The following LRMDA variants were observed in gnomAD, a reference collection of about 807,000 sequenced individuals.
LRMDA encodes leucine rich melanocyte differentiation associated, also known as leucine-rich melanocyte differentiation-associated protein.
A neutral mutation model predicts 29.8 loss-of-function variants in LRMDA; 18 were observed. That is an observed-to-expected ratio of 0.60 (90% CI 0.42 to 0.90). The LOEUF is 0.90. Among genes scored for constraint, LRMDA ranks in the 40% least tolerant of loss-of-function variants. LRMDA has a pLI of 0.00. For missense variants in LRMDA, 273 were observed against 273.9 expected, an observed-to-expected ratio of 1.00 and a Z score of 0.02; for synonymous variants, 125 against 109.4, an observed-to-expected ratio of 1.14 and a Z score of -0.89.
At chr10:75,515,517 C>A (rs1452989051) in intron 2 of LRMDA, among the ~76,000 whole-genome samples, 1 of 152,052 alleles carries the variant, frequency 6.6e-6, no homozygotes, top group East Asian at 1.9e-4. Flanking sequence ...GGACTACAGG[C>A]ACATACCACT....
chr10:75,811,091 C>T (rs1843951840), intron 2 of LRMDA, among the ~76,000 whole-genome samples: 1 of 152,104 alleles, frequency 6.6e-6, no homozygotes, highest in Non-Finnish European at 1.5e-5. Flanking sequence ...TGAGTAGATC[C>T]TTAGGAATTC....
intron 2 of LRMDA, among the ~76,000 whole-genome samples, chr10:76,025,722 A>T (rs765598052): frequency 2.6e-5 from 4 of 152,200 alleles, no homozygotes; most frequent in Non-Finnish European, 5.9e-5. Context: ...AATGTGGAAT[A>T]AGGTATCAGC....
intron 2 of LRMDA, among the ~76,000 whole-genome samples, chr10:75,440,177 G>A (rs1050478170): frequency 1.3e-5 from 2 of 149,330 alleles, no homozygotes; most frequent in African/African-American, 5.0e-5. Flanking sequence ...GGGGCTGTTG[G>A]CTCTGAGGGG....
chr10:75,621,218 A>ACACC (rs1841179865), intron 2 of LRMDA, among the ~76,000 whole-genome samples: 3 of 129,998 alleles, frequency 2.3e-5, no homozygotes, highest in Non-Finnish European at 5.2e-5. Context: ...ACACACACAC[A>ACACC]CACACACCCA....
intron 6 of LRMDA, among the ~76,000 whole-genome samples, chr10:76,388,541 C>G (rs574832705): frequency 5.9e-5 from 9 of 152,264 alleles, no homozygotes; most frequent in African/African-American, 2.2e-4. Context: ...TTGGCAGCCT[C>G]AGGGTAGTTG....
intron 2 of LRMDA, among the ~76,000 whole-genome samples, chr10:75,945,703 A>G (rs1055754999): frequency 5.9e-5 from 9 of 152,204 alleles, no homozygotes; most frequent in African/African-American, 2.2e-4. Flanking sequence ...GAGAAGACGG[A>G]AATATATAGA....
intron 2 of LRMDA, among the ~76,000 whole-genome samples, chr10:76,013,377 T>C (rs1847819749): frequency 6.7e-6 from 1 of 150,284 alleles, no homozygotes; most frequent in African/African-American, 2.5e-5. Context: ...GAGGATGGGG[T>C]GGGGCTTCTG....
At chr10:75,916,568 G>T (rs989005518) in intron 2 of LRMDA, among the ~76,000 whole-genome samples, 1 of 152,200 alleles carries the variant, frequency 6.6e-6, no homozygotes, top group African/African-American at 2.4e-5. Flanking sequence ...CACCAGGGCT[G>T]CCTGGCACAT....
At chr10:76,400,833 G>A (rs1009734879) in intron 6 of LRMDA, among the ~76,000 whole-genome samples, 2 of 152,140 alleles carry the variant, frequency 1.3e-5, no homozygotes, top group Admixed American at 6.5e-5. Flanking sequence ...GGACTGGTTT[G>A]AGAACATTGC....
At chr10:76,386,747 A>G (rs1285690206) in intron 6 of LRMDA, among the ~76,000 whole-genome samples, 4 of 152,186 alleles carry the variant, frequency 2.6e-5, no homozygotes, top group Non-Finnish European at 5.9e-5. Context: ...GTGTATTTTT[A>G]TATATCTGTA....
chr10:76,394,058 A>G (rs1841754722), intron 6 of LRMDA, among the ~76,000 whole-genome samples: 1 of 152,196 alleles, frequency 6.6e-6, no homozygotes, highest in African/African-American at 2.4e-5. Context: ...ACAGAAGAAC[A>G]CAGGATACAC....
intron 6 of LRMDA, among the ~76,000 whole-genome samples, chr10:76,365,193 G>A (rs1841378577): frequency 6.6e-6 from 1 of 150,680 alleles, no homozygotes; most frequent in South Asian, 2.1e-4. Flanking sequence ...TTGAAATTGT[G>A]AATTGTGCTC....
At chr10:75,586,227 G>T (rs1490849104) in intron 2 of LRMDA, among the ~76,000 whole-genome samples, 3 of 150,304 alleles carry the variant, frequency 2.0e-5, no homozygotes, top group Non-Finnish European at 4.4e-5. Flanking sequence ...TCATATGATA[G>T]TTCTATGTTT....
At chr10:75,687,151 A>G (rs1842092621) in intron 2 of LRMDA, among the ~76,000 whole-genome samples, 1 of 152,202 alleles carries the variant, frequency 6.6e-6, no homozygotes, top group Admixed American at 6.5e-5. Flanking sequence ...AAGTGTTCAA[A>G]TGCAAGAAAA....
intron 5 of LRMDA, among the ~76,000 whole-genome samples, chr10:76,280,094 T>A (rs772820383): frequency 2.0e-5 from 3 of 152,184 alleles, no homozygotes; most frequent in Non-Finnish European, 4.4e-5. Context: ...AATTTTGAAA[T>A]GTATTTTGTC....
intron 2 of LRMDA, among the ~76,000 whole-genome samples, chr10:75,845,806 C>T (rs1267360369): frequency 6.6e-6 from 1 of 152,106 alleles, no homozygotes; most frequent in African/African-American, 2.4e-5. Context: ...AGGAAAGGGC[C>T]CTCTGCGTTG....
At chr10:76,259,999 C>A (rs2132307410) in intron 5 of LRMDA, among the ~76,000 whole-genome samples, 1 of 152,012 alleles carries the variant, frequency 6.6e-6, no homozygotes, top group Admixed American at 6.5e-5. Context: ...TTGTCAACAG[C>A]ATATAATTGG....
intron 6 of LRMDA, among the ~76,000 whole-genome samples, chr10:76,448,130 A>G (rs924156016): frequency 2.6e-5 from 4 of 152,212 alleles, no homozygotes; most frequent in Admixed American, 6.5e-5. Flanking sequence ...AACCAAAAAT[A>G]TAACTGCATA....
intron 6 of LRMDA, among the ~76,000 whole-genome samples, chr10:76,364,961 A>G (rs1234747408): frequency 6.6e-6 from 1 of 151,294 alleles, no homozygotes; most frequent in Non-Finnish European, 1.5e-5. Context: ...TTGGTTTTCC[A>G]TTCCTGAGTT....
Sources: allele counts gnomAD v4.1 joint callset (sites outside exome capture counted in the v4.1 genomes callset), GRCh38; gene constraint gnomAD v4.1.1; transcripts MANE v1.5; gene names NCBI Gene and HGNC (gene_info 2026-07-23, HGNC 2026-07-21).